Variants in SRGAP1 observed in about 807,000 individuals in gnomAD.
SRGAP1 encodes SLIT-ROBO Rho GTPase-activating protein 1.
Under a neutral mutation model 121.9 loss-of-function variants are expected in SRGAP1, and 43 were observed. That is an observed-to-expected ratio of 0.35 (90% CI 0.28 to 0.46). The LOEUF (loss-of-function observed/expected upper bound fraction) is 0.46. SRGAP1 is among the 20% of genes least tolerant of loss of function. The pLI is 1.00. For missense variants in SRGAP1, 1,102 were observed against 1,350.9 expected (o/e 0.82, Z 2.89); for synonymous variants, 447 against 485.4 (o/e 0.92, Z 1.04).
rs1250030361 is a variant in SRGAP1 at position 63,949,196 on chromosome 12, CAT to C, written c.68-34738_68-34737del. 1.3e-4 allele frequency among the ~76,000 whole-genome samples: 15 copies of C among 116,860 alleles called. 1 individual carries two copies. Among genetic ancestry groups the C allele is most frequent in the East Asian group, 2.6e-4 (1 of 3,874 alleles). The allele number at this position is 116,860 out of a possible 152,430, so 76.7% of individuals were successfully genotyped here. A position where few individuals can be genotyped will look rare whatever the true frequency, so the allele number is the denominator to read the frequency against. ...TTTTTTCCATATATATTTTTTTTTC[CAT>C]ATATATATATATTTTTTCCATATAT... On this transcript the variant is annotated intron_variant, in intron 1 of 21. Transcript: ENST00000355086.
At chr12:64,039,628 C>CGTGTGTGTGTGGGTGTGTGT in intron 4 of SRGAP1, among the ~76,000 whole-genome samples, 1 of 130,898 alleles carries the variant, frequency 7.6e-6, no homozygotes, top group African/African-American at 2.7e-5. Flanking sequence ...AGCTGAGCAA[C>CGTGTGTGTGTGGGTGTGTGT]GTGTGTGTGT....
chr12:64,023,052 C>T (rs1193218986), intron 4 of SRGAP1, among the ~76,000 whole-genome samples: 1 of 152,042 alleles, frequency 6.6e-6, no homozygotes, highest in Admixed American at 6.6e-5. Flanking sequence ...TCATCATCAT[C>T]GCCCTCTTTA....
intron 1 of SRGAP1, among the ~76,000 whole-genome samples, chr12:63,927,468 G>C (rs2031303455): frequency 6.6e-6 from 1 of 152,204 alleles, no homozygotes; most frequent in Non-Finnish European, 1.5e-5. Context: ...TGTTTACACA[G>C]AAGCTGCATA....
intron 8 of SRGAP1, among the ~76,000 whole-genome samples, chr12:64,072,718 C>T (rs1024874768): frequency 6.6e-6 from 1 of 152,174 alleles, no homozygotes; most frequent in Admixed American, 6.5e-5. Context: ...CACTGTGAGA[C>T]AATACATTTC....
At chr12:63,997,689 T>C (rs2033751184) in intron 3 of SRGAP1, among the ~76,000 whole-genome samples, 1 of 152,122 alleles carries the variant, frequency 6.6e-6, no homozygotes, top group Non-Finnish European at 1.5e-5. Flanking sequence ...GGTATACCAG[T>C]GTTTGTTTGC....
intron 8 of SRGAP1, among the ~76,000 whole-genome samples, chr12:64,077,086 T>C (rs2035751978): frequency 6.6e-6 from 1 of 152,160 alleles, no homozygotes; most frequent in African/African-American, 2.4e-5. Flanking sequence ...CTTACCTAGA[T>C]ATATTACAGT....
At chr12:63,881,403 A>G (rs1900190168) in intron 1 of SRGAP1, among the ~76,000 whole-genome samples, 1 of 152,208 alleles carries the variant, frequency 6.6e-6, no homozygotes, top group African/African-American at 2.4e-5. Flanking sequence ...ATCTGTAGTA[A>G]TGGACTGGGT....
Position 64,157,073 on chromosome 12 carries a change from G to A in SRGAP1, c.*14401G>A, listed in dbSNP as rs115140225. On this transcript the variant is annotated 3_prime_UTR_variant, in exon 22 of 22. Coordinates refer to ENST00000355086, the MANE Select transcript of SRGAP1 (RefSeq NM_020762.4). Reference sequence around the variant, plus strand: ...AAGGGTGTTACATGGAAAGATCAGCGATAGTACACACGCCTTCCCATAGAG... The same window carrying A: ...AAGGGTGTTACATGGAAAGATCAGCAATAGTACACACGCCTTCCCATAGAG... 5,878 of 152,072 alleles carry A rather than the reference G, an allele frequency of 0.039. 186 individuals carry two copies. Among genetic ancestry groups the A allele is most frequent in the South Asian group, 0.12 (554 of 4,814 alleles). 9.4% of individuals were successfully genotyped at this position (152,072 alleles called of 1,614,324 possible).
intron 1 of SRGAP1, among the ~76,000 whole-genome samples, chr12:63,928,371 G>T (rs2031341277): frequency 6.6e-6 from 1 of 152,158 alleles, no homozygotes; most frequent in Non-Finnish European, 1.5e-5. Flanking sequence ...AAGACTTGGA[G>T]AAAAATGTTT....
chr12:63,949,033 A>G (rs1422684434), intron 1 of SRGAP1, among the ~76,000 whole-genome samples: 2 of 145,318 alleles, frequency 1.4e-5, no homozygotes, highest in Non-Finnish European at 3.0e-5. Flanking sequence ...TTTTCCATAT[A>G]TGTATTTTCC....
intron 1 of SRGAP1, among the ~76,000 whole-genome samples, chr12:63,894,706 G>A (rs985949729): frequency 3.3e-5 from 5 of 152,086 alleles, no homozygotes; most frequent in African/African-American, 9.7e-5. Flanking sequence ...CCACCTATGA[G>A]TGAGAACATA....
intron 3 of SRGAP1, among the ~76,000 whole-genome samples, chr12:64,010,481 G>C (rs2034220575): frequency 1.3e-5 from 2 of 152,106 alleles, no homozygotes; most frequent in Non-Finnish European, 2.9e-5. Flanking sequence ...AGCACTCCAT[G>C]TAGAAAGCTG....
In SRGAP1 at chr12:64,144,046, A is replaced by G. The variant is rs1422581361; in HGVS notation, c.*1374A>G. The G allele has an allele frequency of 6.6e-6, 1 of 152,122 alleles. No homozygotes were observed. The highest frequency in any genetic ancestry group is 1.5e-5 in the Non-Finnish European group (1 of 68,038). 9.4% of individuals were successfully genotyped at this position (152,122 alleles called of 1,614,324 possible). On this transcript the variant is annotated 3_prime_UTR_variant, in exon 22 of 22. Coordinates refer to ENST00000355086, the MANE Select transcript of SRGAP1 (RefSeq NM_020762.4). ...ACTCCCATAGTCAGCTGAACTCTCA[A>G]TTGGAGACCCTCTTTCTCTGGCATC...
chr12:63,984,079 T>C lies in SRGAP1; in HGVS notation c.200T>C (p.Leu67Pro). 1 of 1,539,116 alleles carries C rather than the reference T, an allele frequency of 6.5e-7. No homozygotes were observed. The highest frequency in any genetic ancestry group is 1.3e-5 in the South Asian group (1 of 79,984). ...ATTGAGACGGAATATTCCCGGAATC[T>C]AGAGAAGTTAGCAGAAAGGTTCATG... ...AEIETEYSRNLEKLAERFMAK... is the reference protein window; with the variant it reads ...AEIETEYSRNPEKLAERFMAK... Residue 67 changes from leucine to proline, a missense_variant, in exon 2 of 22, where the codon CTA becomes CCA. Physicochemically the swap from Leu to Pro is moderately conservative, Grantham distance 98. Coordinates refer to ENST00000355086, the MANE Select transcript of SRGAP1 (RefSeq NM_020762.4).
At chr12:63,986,184 T>C (rs1338108541) in intron 2 of SRGAP1, among the ~76,000 whole-genome samples, 1 of 151,286 alleles carries the variant, frequency 6.6e-6, no homozygotes, top group Non-Finnish European at 1.5e-5. Context: ...CTTTCTCTCT[T>C]CTCTCTCTTT....
chr12:63,848,242 G>A (rs1468895355), intron 1 of SRGAP1, among the ~76,000 whole-genome samples: 1 of 151,958 alleles, frequency 6.6e-6, no homozygotes, highest in Non-Finnish European at 1.5e-5. Flanking sequence ...CTGACCTCAG[G>A]TGATCCACCT....
chr12:64,135,710 A>T (rs2036846799), intron 21 of SRGAP1, among the ~76,000 whole-genome samples: 1 of 152,186 alleles, frequency 6.6e-6, no homozygotes, highest in Non-Finnish European at 1.5e-5. Context: ...TGGTCTAATC[A>T]TATAAAGCAG....
At position 64,152,734 on chromosome 12, in the gene SRGAP1, A is replaced by T. The variant is rs955487440; in HGVS notation, c.*10062A>T. On this transcript the variant is annotated 3_prime_UTR_variant, in exon 22 of 22. Transcript: ENST00000355086. ...ACTGCCTGTTGAAATTATATTCATC[A>T]TTCCAAACCCAACAAAATGGTTACA... is the stretch of plus-strand genomic sequence containing the variant. 2.0e-5 allele frequency: 3 copies of T among 152,056 alleles called. No homozygotes were observed. The East Asian group carries it at 5.8e-4, about 29-fold the overall frequency. 9.4% of individuals were successfully genotyped at this position (152,056 alleles called of 1,614,324 possible).
Position 63,985,885 on chromosome 12 carries a change from G to A in SRGAP1, c.263+1743G>A, listed in dbSNP as rs114376183. Among the ~76,000 whole-genome samples the A allele has an allele frequency of 2.2e-3, 342 of 152,278 alleles. 2 individuals are homozygous for A. The highest frequency in any genetic ancestry group is 7.9e-3 in the African/African-American group (330 of 41,542). ...CTCAGCCTGGGCTCCTGTTTGGAAG[G>A]GGCTGTGGAGAAGCATGCCTTTCTG... is the stretch of plus-strand genomic sequence containing the variant. On this transcript the variant is annotated intron_variant, in intron 2 of 21. Transcript: ENST00000355086.
Sources: allele counts gnomAD v4.1 joint callset (sites outside exome capture counted in the v4.1 genomes callset), GRCh38; gene constraint gnomAD v4.1.1; transcripts MANE v1.5; gene names NCBI Gene and HGNC (gene_info 2026-07-23, HGNC 2026-07-21).